Variants in PAX6 observed in about 807,000 individuals in gnomAD.
The protein encoded by PAX6 is paired box 6.
A neutral mutation model predicts 60.7 loss-of-function variants in PAX6; 7 were observed. The observed-to-expected ratio is 0.12, with a 90% CI of 0.07 to 0.22. The LOEUF (loss-of-function observed/expected upper bound fraction) is 0.22. Among genes scored for constraint, PAX6 ranks in the 10% least tolerant of loss-of-function variants. The pLI, the probability that PAX6 is intolerant of heterozygous loss-of-function variation, is 1.00. For missense variants in PAX6, 355 were observed against 555.2 expected (o/e 0.64, Z 3.62); for synonymous variants, 208 against 201.2 (o/e 1.03, Z -0.29).
intron 2 of PAX6, chr11:31,808,468 T>C (rs1221875201): frequency 1.3e-5 from 2 of 152,072 alleles, no homozygotes; most frequent in Non-Finnish European, 2.9e-5. Context: ...TAATGCAAAA[T>C]ACCCCACCCC....
chr11:31,795,832 C>A (rs759224814), intron 8 of PAX6, among the ~76,000 whole-genome samples: 2 of 152,250 alleles, frequency 1.3e-5, no homozygotes, highest in Non-Finnish European at 1.5e-5. Context: ...ACTGGGCCTC[C>A]AGGGCCACTA....
At chr11:31,801,430 A>G in intron 7 of PAX6, 131 bp downstream of exon 7, 6 of 1,558,254 alleles carry the variant, frequency 3.9e-6, no homozygotes, top group Non-Finnish European at 5.2e-6. Context: ...TCCCCCAGGT[A>G]CAAAGGAGAC....
rs1482091141 is a variant in PAX6 at position 31,801,875 on chromosome 11, T to C, written c.179A>G (p.Gln60Arg). The C allele has an allele frequency of 7.4e-6, 12 of 1,614,160 alleles. No individual in the cohort carries two copies. In the Admixed American group the frequency reaches 1.0e-4, roughly 13 times the overall value. The change falls in exon 6 of 14, where the codon CAA (glutamine) becomes CGA (arginine). Residue 60 changes from glutamine to arginine, a missense_variant. Gln to Arg is a conservative substitution (Grantham distance 43). Transcript: ENST00000640368. ...ATTAAACAATGACAAGCTTACGTTTTGATTGTCCAGCACTTGGACTTTTGC... is the reference window on the plus strand; with the variant it reads ...ATTAAACAATGACAAGCTTACGTTTCGATTGTCCAGCACTTGGACTTTTGC... ...ADAKVQVLDN[Q>R]NVSNGCVSKI...
In PAX6 at chr11:31,802,808, C is replaced by G. The variant is rs1205816319; in HGVS notation, c.37G>C (p.Gly13Arg). The G allele has an allele frequency of 6.2e-7, 1 of 1,613,984 alleles. No homozygotes were observed. Among genetic ancestry groups the G allele is most frequent in the East Asian group, 2.2e-5 (1 of 44,868 alleles). The change falls in exon 5 of 14, where the codon GGT becomes CGT. Residue 13 changes from glycine to arginine, a missense_variant. Around this residue, in one of 5 missense-constraint regions of PAX6, gnomAD observed 41 missense variants for 77.1 expected, o/e 0.53. Transcript: ENST00000640368. ...AGTGGCCGCCCGTTGACAAAGACAC[C>G]ACCGAGCTGATTCACTCCGCTGTGA... ...NSHSGVNQLGGVFVNGRPLPD... is the reference protein window; with the variant it reads ...NSHSGVNQLGRVFVNGRPLPD...
At chr11:31,798,077 ACAAG>A (rs1327979673) in intron 8 of PAX6, among the ~76,000 whole-genome samples, 1 of 152,126 alleles carries the variant, frequency 6.6e-6, no homozygotes, top group Non-Finnish European at 1.5e-5. Flanking sequence ...GAGGCGGAAA[ACAAG>A]CAAGAAAAGA....
At chr11:31,794,244 A>G (rs1950755736) in intron 9 of PAX6, 130 bp from the exon 10 acceptor site, 1 of 776,820 alleles carries the variant, frequency 1.3e-6, no homozygotes, top group African/African-American at 1.7e-5. Context: ...AAATGCTTCT[A>G]GTGTTGACTG....
At chr11:31,817,215 A>G (rs1806183) in intron 1 of PAX6, among the ~76,000 whole-genome samples, 33,848 of 152,238 alleles carry the variant, frequency 0.22, 4,159 homozygotes, top group African/African-American at 0.32. Flanking sequence ...ACACGCTGGG[A>G]GCTTTACGCG....
chr11:31,801,023 G>C (rs940668830), intron 7 of PAX6, 167 bp from the exon 8 acceptor site: 1 of 814,206 alleles, frequency 1.2e-6, no homozygotes, highest in Non-Finnish European at 2.0e-6. Flanking sequence ...AAAAATGATA[G>C]CTATCACTTT....
At chr11:31,814,038 C>G (rs1175531165), upstream of PAX6, 1 of 152,050 alleles carries the variant, frequency 6.6e-6, no homozygotes, top group African/African-American at 2.4e-5. Context: ...ACGCCCGAGG[C>G]CCACTTGCTG....
chr11:31,805,090 G>T (rs1444860488), intron 4 of PAX6: 3 of 152,302 alleles, frequency 2.0e-5, no homozygotes, highest in Non-Finnish European at 2.9e-5. Context: ...GTGTCAATTT[G>T]GATGCTCCGC....
chr11:31,793,717 T>C lies in PAX6; in HGVS notation c.893A>G (p.His298Arg), dbSNP rs1446950387. ...QRRQASNTPSHIPISSSFSTS... is the reference protein window; with the variant it reads ...QRRQASNTPSRIPISSSFSTS... Reference sequence around the variant, plus strand: ...GCTGAAACTACTGCTGATAGGAATATGACTAGGTGTGTTGCTGGCCTGTCT... The same window carrying C: ...GCTGAAACTACTGCTGATAGGAATACGACTAGGTGTGTTGCTGGCCTGTCT... Residue 298 changes from histidine to arginine, a missense_variant, in exon 11 of 14, where the codon CAT becomes CGT. Transcript: ENST00000640368. The C allele has an allele frequency of 6.2e-7, 1 of 1,614,158 alleles. No individual in the cohort carries two copies.
At chr11:31,811,063 G>T in intron 1 of PAX6, 48 bp from the exon 2 acceptor site, 1 of 399,348 alleles carries the variant, frequency 2.5e-6, no homozygotes, top group Non-Finnish European at 4.4e-6. Flanking sequence ...TCAGCGGCTG[G>T]AGAGTGAGAG....
intron 1 of PAX6, chr11:31,816,729 G>A (rs1282927280): frequency 1.5e-6 from 1 of 686,518 alleles, no homozygotes; most frequent in Non-Finnish European, 2.7e-6. Flanking sequence ...TCGGGCGGAG[G>A]TCCCAACACC....
intron 13 of PAX6, 76 bp from the exon 14 acceptor site, chr11:31,790,095 TACAAAAAA>T: frequency 1.6e-5 from 1 of 61,322 alleles, no homozygotes; most frequent in Middle Eastern, 3.4e-3. Flanking sequence ...TTTATAGGTT[TACAAAAAA>T]AAAAAAAAAA....
upstream of PAX6, chr11:31,812,335 T>TGC: frequency 6.4e-6 from 1 of 155,830 alleles, no homozygotes; most frequent in Non-Finnish European, 1.4e-5. Flanking sequence ...TGTGTGTGTG[T>TGC]GTGTGTCCCA....
intron 1 of PAX6, chr11:31,816,723 G>A (rs1957397960): frequency 5.8e-6 from 4 of 690,698 alleles, no homozygotes; most frequent in East Asian, 2.7e-5. Flanking sequence ...TCGGAGTCGG[G>A]CGGAGGTCCC....
chr11:31,795,093 C>G (rs1283921466), intron 8 of PAX6, among the ~76,000 whole-genome samples: 1 of 152,166 alleles, frequency 6.6e-6, no homozygotes, highest in Non-Finnish European at 1.5e-5. Flanking sequence ...CCCCAACTCC[C>G]CAAATGCCTC....
In PAX6 at chr11:31,798,382, C is replaced by G. The variant is rs111232360; in HGVS notation, c.565+2309G>C. ...AGATGGAAACCATATTTGTCTCCCT[C>G]TGAGACCTAACCCCCGCCTTATGCT... On this transcript the variant is annotated intron_variant, in intron 8 of 13. Transcript: ENST00000640368. 2.4e-3 allele frequency among the ~76,000 whole-genome samples: 355 copies of G among 150,034 alleles called. 2 individuals are homozygous for G. The highest frequency in any genetic ancestry group is 8.4e-3 in the African/African-American group (340 of 40,628).
chr11:31,802,062 A>T lies in PAX6; in HGVS notation c.142-150T>A, dbSNP rs979319191. 2.7e-5 allele frequency: 19 copies of T among 711,454 alleles called. No homozygotes were observed. The African/African-American group carries it at 2.9e-4, about 11-fold the overall frequency. 44.1% of individuals were successfully genotyped at this position (711,454 alleles called of 1,614,324 possible). On this transcript the variant is annotated intron_variant, in intron 5 of 13. Coordinates refer to ENST00000640368, the MANE Select transcript of PAX6 (RefSeq NM_001368894.2). ...AAAACGAATTTAAAAGCTTTTTTTA[A>T]AAAAAAAACTTTTCTTAAACACTGC...
Sources: allele counts gnomAD v4.1 joint callset (sites outside exome capture counted in the v4.1 genomes callset), GRCh38; gene constraint gnomAD v4.1.1; regional missense constraint gnomAD v4.1.1; transcripts MANE v1.5; gene names NCBI Gene and HGNC (gene_info 2026-07-23, HGNC 2026-07-21).